TRPC5: variants seen among roughly 807,000 people sequenced by gnomAD.
The protein encoded by TRPC5 is short transient receptor potential channel 5.
TRPC5 carries 9 observed loss-of-function variants against 56.5 expected under a neutral mutation model. That is an observed-to-expected ratio of 0.16 (90% CI 0.10 to 0.28). The LOEUF (loss-of-function observed/expected upper bound fraction) is 0.28. Among genes scored for constraint, TRPC5 ranks in the 10% least tolerant of loss-of-function variants. The pLI is 1.00. For synonymous variants in TRPC5, 282 were observed against 278.5 expected, an observed-to-expected ratio of 1.01 and a Z score of -0.13; for missense variants, 469 against 748.9, an observed-to-expected ratio of 0.63 and a Z score of 4.36.
At chrX:111,978,798 A>G (rs1166411213) in intron 1 of TRPC5, among the ~76,000 whole-genome samples, 1 of 111,423 alleles carries the variant, frequency 9.0e-6, no homozygotes, top group African/African-American at 3.3e-5. Context: ...TAATTAGTTA[A>G]TTAGCTGGTA....
intron 3 of TRPC5, among the ~76,000 whole-genome samples, chrX:111,864,888 A>T (rs1432770640): frequency 8.9e-6 from 1 of 111,993 alleles, no homozygotes; most frequent in East Asian, 2.8e-4. Flanking sequence ...TTAACTTTTC[A>T]TGGGAAGTTA....
At chrX:111,822,105 G>A (rs1378287580) in intron 7 of TRPC5, among the ~76,000 whole-genome samples, 2 of 111,696 alleles carry the variant, frequency 1.8e-5, no homozygotes, top group African/African-American at 6.5e-5. Context: ...TTGACTTGGG[G>A]ACTATTACAC....
At chrX:111,971,923 C>A (rs1284860351) in intron 1 of TRPC5, among the ~76,000 whole-genome samples, 1 of 111,840 alleles carries the variant, frequency 8.9e-6, no homozygotes, top group East Asian at 2.8e-4. Context: ...AATAAAGGAG[C>A]ACACTAACAC....
At chrX:112,059,645 C>G (rs1289670784) in intron 1 of TRPC5, among the ~76,000 whole-genome samples, 1 of 111,852 alleles carries the variant, frequency 8.9e-6, no homozygotes, top group African/African-American at 3.3e-5. Flanking sequence ...ATCTCCACAT[C>G]TATCCCTACC....
At chrX:111,903,983 C>CA (rs1445235464) in intron 3 of TRPC5, 1 of 111,672 alleles carries the variant, frequency 9.0e-6, no homozygotes, top group East Asian at 2.8e-4. Flanking sequence ...ATTCACAAAT[C>CA]AAAAAAACGT....
chrX:112,000,538 C>T (rs1465207009), intron 1 of TRPC5, among the ~76,000 whole-genome samples: 1 of 111,470 alleles, frequency 9.0e-6, no homozygotes, highest in East Asian at 2.8e-4. Context: ...CCACTGCTAC[C>T]ACATTTGAGC....
chrX:111,944,303 T>TGTGTGTGTGTGTGAGAAA (rs1173179815), intron 2 of TRPC5, among the ~76,000 whole-genome samples: 7 of 61,370 alleles, frequency 1.1e-4, no homozygotes, highest in African/African-American at 7.4e-4. Context: ...TGTGTGTGTG[T>TGTGTGTGTGTGTGAGAAA]GAGAGAGAGA....
At chrX:111,867,738 T>G (rs1452299897) in intron 3 of TRPC5, among the ~76,000 whole-genome samples, 3 of 112,181 alleles carry the variant, frequency 2.7e-5, no homozygotes, top group Non-Finnish European at 5.6e-5. Flanking sequence ...CCTGAATGTT[T>G]AACGCCTAGT....
chrX:111,953,985 A>T (rs1381461426), intron 1 of TRPC5, among the ~76,000 whole-genome samples: 1 of 111,566 alleles, frequency 9.0e-6, no homozygotes, highest in Non-Finnish European at 1.9e-5. Context: ...CAAATGACAA[A>T]TCTCTCTCCA....
chrX:111,843,964 G>A (rs1433451274), intron 6 of TRPC5, among the ~76,000 whole-genome samples: 1 of 107,394 alleles, frequency 9.3e-6, no homozygotes, highest in Non-Finnish European at 1.9e-5. Flanking sequence ...GAGAAAGAGA[G>A]AGAGGTATTC....
chrX:111,919,803 CA>C (rs1392711892), intron 2 of TRPC5, among the ~76,000 whole-genome samples: 1 of 111,434 alleles, frequency 9.0e-6, no homozygotes, highest in African/African-American at 3.3e-5. Context: ...TGATGAGCTA[CA>C]AAAAAATCAC....
intron 2 of TRPC5, among the ~76,000 whole-genome samples, chrX:111,919,880 C>G (rs1198238764): frequency 8.9e-6 from 1 of 112,496 alleles, no homozygotes; most frequent in Non-Finnish European, 1.9e-5. Context: ...TCAAAGCTGT[C>G]TTGGGCCACA....
chrX:111,970,922 C>T (rs779584902), intron 1 of TRPC5, among the ~76,000 whole-genome samples: 72 of 109,707 alleles, frequency 6.6e-4, no homozygotes, highest in African/African-American at 1.8e-3. Context: ...GGACTACAGG[C>T]GCCCACCACC....
intron 1 of TRPC5, 137 bp from the exon 2 acceptor site, chrX:111,952,578 A>G: frequency 1.6e-6 from 1 of 634,976 alleles, no homozygotes; most frequent in Non-Finnish European, 2.3e-6. Flanking sequence ...TTCCGCTTAC[A>G]AAGAAGTATA....
intron 1 of TRPC5, among the ~76,000 whole-genome samples, chrX:112,000,139 C>A (rs772468284): frequency 9.0e-6 from 1 of 111,597 alleles, no homozygotes; most frequent in Non-Finnish European, 1.9e-5. Flanking sequence ...TGATATTAAT[C>A]TTGTCTTGGA....
intron 7 of TRPC5, among the ~76,000 whole-genome samples, chrX:111,800,007 C>T (rs1921252821): frequency 8.9e-6 from 1 of 112,141 alleles, no homozygotes; most frequent in Non-Finnish European, 1.9e-5. Flanking sequence ...TTCTTTATGA[C>T]AGGGACCCTT....
chrX:111,842,963 C>T (rs910163271), intron 6 of TRPC5, among the ~76,000 whole-genome samples: 2 of 112,450 alleles, frequency 1.8e-5, no homozygotes, highest in African/African-American at 6.5e-5. Flanking sequence ...CTGCAAATGG[C>T]TTGCACATAA....
intron 1 of TRPC5, among the ~76,000 whole-genome samples, chrX:112,034,426 TTC>T (rs772089670): frequency 1.8e-5 from 2 of 110,676 alleles, no homozygotes; most frequent in African/African-American, 6.5e-5. Context: ...TTTTTATATT[TTC>T]TTTTTGGATA....
At chrX:111,893,862 G>C (rs1448871041) in intron 3 of TRPC5, among the ~76,000 whole-genome samples, 2 of 111,815 alleles carry the variant, frequency 1.8e-5, no homozygotes, top group Non-Finnish European at 3.8e-5. Context: ...AGAGTTTAAA[G>C]TGTAAATACT....
Sources: gnomAD v4.1 joint callset for allele counts (sites outside exome capture counted in the v4.1 genomes callset) on GRCh38, gnomAD v4.1.1 for gene constraint, MANE v1.5 for transcripts, NCBI Gene and HGNC (gene_info 2026-07-23, HGNC 2026-07-21) for gene names.